The following OTUD7A variants were observed in gnomAD, a reference collection of about 807,000 sequenced individuals.
OTUD7A encodes the protein OTU deubiquitinase 7A, also known as OTU domain-containing protein 7A.
OTUD7A carries 12 observed loss-of-function variants against 65.7 expected under a neutral mutation model. The ratio of observed to expected loss-of-function variants is 0.18; its 90% CI spans 0.12 to 0.30. OTUD7A has a LOEUF of 0.30. Ranked by LOEUF, OTUD7A falls within the 10% of genes least tolerant of loss-of-function variation. The pLI, the probability that OTUD7A is intolerant of heterozygous loss-of-function variation, is 1.00. For missense variants in OTUD7A, 1,148 were observed against 1,304.8 expected, an observed-to-expected ratio of 0.88 and a Z score of 1.85; for synonymous variants, 641 against 586.3, an observed-to-expected ratio of 1.09 and a Z score of -1.35.
intron 1 of OTUD7A, among the ~76,000 whole-genome samples, chr15:31,850,069 C>T (rs997064725): frequency 2.0e-5 from 3 of 151,748 alleles, no homozygotes; most frequent in African/African-American, 7.3e-5. Context: ...GCGTATAAAC[C>T]CAAAGGATTA....
At chr15:31,558,888 C>G (rs760471183) in intron 5 of OTUD7A, 81 bp downstream of exon 5, 1 of 1,456,596 alleles carries the variant, frequency 6.9e-7, no homozygotes. Context: ...ATGTGCCCTT[C>G]TCTTGCTCAT....
At chr15:31,770,021 T>C (rs901371328) in intron 1 of OTUD7A, among the ~76,000 whole-genome samples, 1 of 152,138 alleles carries the variant, frequency 6.6e-6, no homozygotes, top group African/African-American at 2.4e-5. Context: ...ATGAAATTAA[T>C]AAGCTAAGCA....
Position 31,633,292 on chromosome 15 carries a change from A to G in OTUD7A, c.151+21804T>C, listed in dbSNP as rs185613632. Among the ~76,000 whole-genome samples the G allele has an allele frequency of 5.3e-4, 81 of 152,214 alleles. 1 individual carries two copies. The East Asian group carries it at 9.1e-3, about 17-fold the overall frequency. On this transcript the variant is annotated intron_variant, in intron 3 of 12. Coordinates refer to ENST00000307050, the MANE Select transcript of OTUD7A (RefSeq NM_001382637.1). ...ACCCCCCTGTATTTGTTTTAAACCA[A>G]TTTTGATCTCTATCTTGGAGGGAGA...
intron 1 of OTUD7A, among the ~76,000 whole-genome samples, chr15:31,716,558 C>T (rs1373379757): frequency 3.8e-5 from 5 of 132,380 alleles, no homozygotes; most frequent in African/African-American, 5.1e-5. Flanking sequence ...CGATGGCTCC[C>T]GTGAGAATGT....
intron 1 of OTUD7A, among the ~76,000 whole-genome samples, chr15:31,680,508 C>T (rs1277999486): frequency 2.0e-5 from 3 of 152,100 alleles, no homozygotes; most frequent in Admixed American, 6.5e-5. Flanking sequence ...ACAATACTAA[C>T]GGGAAAAAGG....
At chr15:31,690,266 T>C (rs1326997133) in intron 1 of OTUD7A, among the ~76,000 whole-genome samples, 2 of 152,238 alleles carry the variant, frequency 1.3e-5, no homozygotes, top group Non-Finnish European at 2.9e-5. Flanking sequence ...TCTATATTAT[T>C]ACTTGTAACA....
intron 4 of OTUD7A, among the ~76,000 whole-genome samples, chr15:31,567,048 G>A (rs190203412): frequency 3.8e-4 from 58 of 152,350 alleles, no homozygotes; most frequent in African/African-American, 1.2e-3. Flanking sequence ...CTGAAAATGT[G>A]AAAGCAACTT....
chr15:31,516,563 G>GT lies in OTUD7A; in HGVS notation c.893+9785dup, dbSNP rs1201109302. Among the ~76,000 whole-genome samples the GT allele has an allele frequency of 2.6e-5, 4 of 152,062 alleles. No individual in the cohort carries two copies. In the East Asian group the frequency reaches 7.7e-4, roughly 29 times the overall value. Reference sequence around the variant, plus strand: ...GAGAGCACCTGAGGGTGTAGAGGGTGTAACAGAAACAAAACAGCAGAGGTT... The same window carrying GT: ...GAGAGCACCTGAGGGTGTAGAGGGTGTTAACAGAAACAAAACAGCAGAGGTT... On this transcript the variant is annotated intron_variant, in intron 8 of 12. Coordinates refer to ENST00000307050, the MANE Select transcript of OTUD7A (RefSeq NM_001382637.1).
intron 1 of OTUD7A, among the ~76,000 whole-genome samples, chr15:31,677,631 A>C (rs1451235183): frequency 6.6e-6 from 1 of 152,156 alleles, no homozygotes; most frequent in Non-Finnish European, 1.5e-5. Flanking sequence ...CTGTCCTGTA[A>C]AGAAGGTATC....
chr15:31,632,819 A>T (rs1158364644), intron 3 of OTUD7A, among the ~76,000 whole-genome samples: 1 of 152,190 alleles, frequency 6.6e-6, no homozygotes, highest in Admixed American at 6.5e-5. Flanking sequence ...AAGCCTGGGC[A>T]ATGGCAGGCG....
chr15:31,672,245 C>A (rs1353448526), intron 1 of OTUD7A, among the ~76,000 whole-genome samples: 9 of 152,142 alleles, frequency 5.9e-5, no homozygotes, highest in Non-Finnish European at 7.3e-5. Flanking sequence ...TCTTCCTGGT[C>A]CTTCTTTTTC....
At chr15:31,814,527 CT>C (rs397853761) in intron 1 of OTUD7A, among the ~76,000 whole-genome samples, 459 of 144,190 alleles carry the variant, frequency 3.2e-3, no homozygotes, top group Middle Eastern at 7.4e-3. Context: ...TGCGTAAGTT[CT>C]TTTTTTTTTT....
intron 5 of OTUD7A, among the ~76,000 whole-genome samples, chr15:31,546,926 C>CT (rs1305947402): frequency 6.6e-5 from 10 of 152,200 alleles, no homozygotes; most frequent in African/African-American, 2.4e-4. Context: ...TAAACCTATG[C>CT]TATAAGAAGT....
intron 1 of OTUD7A, among the ~76,000 whole-genome samples, chr15:31,796,804 A>G (rs1233746596): frequency 6.6e-6 from 1 of 152,186 alleles, no homozygotes; most frequent in East Asian, 1.9e-4. Context: ...GTGCAATCTC[A>G]GCTCACTGCA....
Position 31,487,149 on chromosome 15 carries a change from C to T in OTUD7A, c.1371+45G>A, listed in dbSNP as rs2041248740. On this transcript the variant is annotated intron_variant, in intron 12 of 12. Transcript: ENST00000307050. The surrounding 1 kb of genome is among the most constrained non-coding windows in gnomAD (Gnocchi z 6.0). ...CCCTGGTCAGACTGGAGCTGAGCAG[C>T]CTGGACCCTGCTGCCAGGTCTGGTC... is the stretch of plus-strand genomic sequence containing the variant. The T allele has an allele frequency of 1.3e-6, 2 of 1,574,894 alleles. No homozygotes were observed. The highest frequency in any genetic ancestry group is 1.7e-6 in the Non-Finnish European group (2 of 1,147,700).
At chr15:31,666,150 A>T (rs529893313) in intron 1 of OTUD7A, among the ~76,000 whole-genome samples, 30 of 151,896 alleles carry the variant, frequency 2.0e-4, no homozygotes, top group Non-Finnish European at 3.8e-4. Context: ...TGGTTTTGGT[A>T]TTAGGGTGAG....
At chr15:31,861,682 G>A (rs1434953883) in intron 1 of OTUD7A, among the ~76,000 whole-genome samples, 2 of 152,140 alleles carry the variant, frequency 1.3e-5, no homozygotes, top group African/African-American at 4.8e-5. Context: ...AAGAGATTTG[G>A]GGATGAACTG....
chr15:31,719,193 T>C (rs1893669802), intron 1 of OTUD7A, among the ~76,000 whole-genome samples: 1 of 152,206 alleles, frequency 6.6e-6, no homozygotes, highest in Non-Finnish European at 1.5e-5. Context: ...CAAGCGATCT[T>C]CAGTCTCCCA....
chr15:31,483,785 G>C lies in OTUD7A; in HGVS notation c.2311C>G (p.Pro771Ala). The stretch of plus-strand genomic sequence containing the variant: ...ATGACGCTCTGGCGCGCTGGCGCCG[G>C]GGGGCTGCGGCCAGGCACTGGTCCG... ...ASGPVPGRSP[P>A]APARQSVIHV... The change falls in exon 13 of 13, where the codon CCG becomes GCG. Residue 771 changes from proline (P) to alanine (A), a missense_variant. Pro to Ala is a conservative substitution (Grantham distance 27). Coordinates refer to ENST00000307050, the MANE Select transcript of OTUD7A (RefSeq NM_001382637.1). 9.6e-7 allele frequency: 1 copy of C among 1,045,734 alleles called. No individual in the cohort carries two copies. Among genetic ancestry groups the C allele is most frequent in the Non-Finnish European group, 1.1e-6 (1 of 871,132 alleles). 64.8% of individuals were successfully genotyped at this position (1,045,734 alleles called of 1,614,324 possible). A position where few individuals can be genotyped will look rare whatever the true frequency, so the allele number is the denominator to read the frequency against.
Sources: gnomAD v4.1 joint callset for allele counts (sites outside exome capture counted in the v4.1 genomes callset) on GRCh38, gnomAD v4.1.1 for gene constraint, Gnocchi (gnomAD v3.1) non-coding constraint, MANE v1.5 for transcripts, NCBI Gene and HGNC (gene_info 2026-07-23, HGNC 2026-07-21) for gene names.